The following ABCA13 variants were observed in gnomAD, a reference collection of about 807,000 sequenced individuals.
ABCA13 encodes ATP binding cassette subfamily A member 13.
In ABCA13, 476 loss-of-function variants were observed where a neutral mutation model predicts 478.7. That is an observed-to-expected ratio of 0.99 (90% confidence interval 0.92 to 1.07). The LOEUF (loss-of-function observed/expected upper bound fraction) is 1.07, where lower values mean the gene tolerates loss of function less well. Among genes scored for constraint, ABCA13 ranks in the 50% least tolerant of loss-of-function variants. The pLI is 0.00. For synonymous variants in ABCA13, 2,252 were observed against 2,158.9 expected, an observed-to-expected ratio of 1.04 and a Z score of -1.20; for missense variants, 6,060 against 5,910.6, an observed-to-expected ratio of 1.03 and a Z score of -0.83.
chr7:48,540,711 A>G (rs543417467), intron 55 of ABCA13, among the ~76,000 whole-genome samples: 1 of 152,218 alleles, frequency 6.6e-6, no homozygotes, highest in African/African-American at 2.4e-5. Context: ...TTTCCTGTTT[A>G]ATTTACTAAT....
chr7:48,591,909 A>C (rs894841611), intron 57 of ABCA13, among the ~76,000 whole-genome samples: 1 of 151,828 alleles, frequency 6.6e-6, no homozygotes, highest in Non-Finnish European at 1.5e-5. Flanking sequence ...CATGCTTTTG[A>C]AAAGATGATT....
chr7:48,205,930 A>G (rs1000335480), intron 3 of ABCA13, among the ~76,000 whole-genome samples: 3 of 152,214 alleles, frequency 2.0e-5, no homozygotes, highest in African/African-American at 7.2e-5. Flanking sequence ...TGAATTTGAC[A>G]TGTCTATGCA....
chr7:48,470,875 C>T (rs564449184), intron 44 of ABCA13, among the ~76,000 whole-genome samples: 6 of 152,218 alleles, frequency 3.9e-5, no homozygotes, highest in East Asian at 1.9e-4. Context: ...TAGTTTTCTT[C>T]CTCCTTTTCC....
At chr7:48,323,448 C>T (rs1463372810) in intron 27 of ABCA13, among the ~76,000 whole-genome samples, 1 of 152,186 alleles carries the variant, frequency 6.6e-6, no homozygotes, top group Non-Finnish European at 1.5e-5. Flanking sequence ...AGAGCCAGGC[C>T]TTAGCTTTGC....
Position 48,528,340 on chromosome 7 carries a change from C to T in ABCA13, c.14349C>T (p.Pro4783=). Residue 4783 remains proline (P), a synonymous_variant, in exon 55 of 62, where the codon CCC becomes CCT. Transcript: ENST00000435803. ...LTSGHAIIRT[P]MGDAVDLSSA... is the part of the protein sequence containing the mutation. ...CAGGACATGCTATCATCAGGACTCC[C>T]ATGGGGTAAGATACAGATTTCATCA... 6.4e-7 allele frequency: 1 copy of T among 1,554,650 alleles called. No individual in the cohort carries two copies. Among genetic ancestry groups the T allele is most frequent in the Non-Finnish European group, 8.7e-7 (1 of 1,148,138 alleles).
intron 29 of ABCA13, among the ~76,000 whole-genome samples, chr7:48,341,871 A>C (rs1584930394): frequency 7.2e-6 from 1 of 139,788 alleles, no homozygotes. Flanking sequence ...ATATATATAT[A>C]TCTTTCTGAT....
intron 59 of ABCA13, among the ~76,000 whole-genome samples, chr7:48,637,516 T>C (rs1041815062): frequency 2.0e-5 from 3 of 149,054 alleles, no homozygotes; most frequent in African/African-American, 7.5e-5. Flanking sequence ...GAAAAAAAAA[T>C]CTTTTGTTTA....
chr7:48,621,945 G>A (rs915876015), intron 59 of ABCA13, among the ~76,000 whole-genome samples: 1 of 152,074 alleles, frequency 6.6e-6, no homozygotes, highest in African/African-American at 2.4e-5. Context: ...GTTCAAAATT[G>A]GTAATTGATT....
intron 31 of ABCA13, among the ~76,000 whole-genome samples, chr7:48,359,587 A>T (rs1487096525): frequency 6.6e-6 from 1 of 151,866 alleles, no homozygotes; most frequent in Non-Finnish European, 1.5e-5. Flanking sequence ...CCCATGGTTG[A>T]TGTGGACTGG....
Position 48,489,334 on chromosome 7 carries a change from G to C in ABCA13, c.13281G>C (p.Trp4427Cys), listed in dbSNP as rs767871966. 1 of 1,599,374 alleles carries C rather than the reference G, an allele frequency of 6.3e-7. No homozygotes were observed. Among genetic ancestry groups the C allele is most frequent in the Non-Finnish European group, 8.6e-7 (1 of 1,168,280 alleles). Residue 4427 changes from tryptophan to cysteine, a missense_variant, in exon 48 of 62, where the codon TGG becomes TGC. By Grantham distance (215) the Trp-to-Cys change is radical. Coordinates refer to ENST00000435803, the MANE Select transcript of ABCA13 (RefSeq NM_152701.5). ...LWQHLPPTVDWRQYGITLYSH... is the reference protein window; with the variant it reads ...LWQHLPPTVDCRQYGITLYSH... ...AGCACCTACCCCCTACTGTGGACTGGAGACAATACGGTAATGTTATTTTTC... is the reference window on the plus strand; with the variant it reads ...AGCACCTACCCCCTACTGTGGACTGCAGACAATACGGTAATGTTATTTTTC...
At chr7:48,191,645 TG>T (rs1797121784) in intron 1 of ABCA13, among the ~76,000 whole-genome samples, 1 of 152,196 alleles carries the variant, frequency 6.6e-6, no homozygotes, top group Non-Finnish European at 1.5e-5. Context: ...TGACCTCAAG[TG>T]ATCCGTCTGC....
intron 48 of ABCA13, among the ~76,000 whole-genome samples, chr7:48,499,358 T>C (rs565079937): frequency 1.3e-5 from 2 of 152,200 alleles, no homozygotes; most frequent in Non-Finnish European, 2.9e-5. Context: ...ATAAGACAAG[T>C]TTTTCCTTTT....
rs537394207 is a variant in ABCA13 at position 48,636,335 on chromosome 7, CTA to C, written c.14838-6951_14838-6950del. Reference sequence around the variant, plus strand: ...AGAAGCAGATCCCAGTTAGTACTTTCTATGTTATAGCTCCTCTAGTTTGTAAT... The same window carrying C: ...AGAAGCAGATCCCAGTTAGTACTTTCTGTTATAGCTCCTCTAGTTTGTAAT... On this transcript the variant is annotated intron_variant, in intron 59 of 61. Coordinates refer to ENST00000435803, the MANE Select transcript of ABCA13 (RefSeq NM_152701.5). 1.6e-3 allele frequency among the ~76,000 whole-genome samples: 250 copies of C among 152,288 alleles called. 2 individuals carry two copies. The highest frequency in any genetic ancestry group is 5.9e-3 in the African/African-American group (246 of 41,564).
chr7:48,209,527 C>T (rs1785352244), intron 3 of ABCA13, among the ~76,000 whole-genome samples: 1 of 152,082 alleles, frequency 6.6e-6, no homozygotes, highest in Non-Finnish European at 1.5e-5. Flanking sequence ...ATGTTTATTA[C>T]TGTTATCTTA....
chr7:48,261,118 T>C (rs777580098), intron 15 of ABCA13, among the ~76,000 whole-genome samples: 2 of 151,972 alleles, frequency 1.3e-5, no homozygotes, highest in Non-Finnish European at 2.9e-5. Context: ...ATTGACTCTC[T>C]CTGTCTGAAA....
chr7:48,309,971 G>A lies in ABCA13; in HGVS notation c.9346G>A (p.Ala3116Thr). The A allele has an allele frequency of 1.2e-6, 2 of 1,613,882 alleles. No individual in the cohort carries two copies. The highest frequency in any genetic ancestry group is 1.7e-6 in the Non-Finnish European group (2 of 1,179,788). ...GGTTCTCTTCAGTGCCCTCACCGTA[G>A]CTCTGTCTGGAAAGTGTGATCAGGA... is the stretch of plus-strand genomic sequence containing the variant. ...SKVLFSALTV[A>T]LSGKCDQEIL... Residue 3116 changes from alanine (A) to threonine (T), a missense_variant, in exon 24 of 62, where the codon GCT (alanine) becomes ACT (threonine). Ala to Thr is a moderately conservative substitution (Grantham distance 58). Coordinates refer to ENST00000435803, the MANE Select transcript of ABCA13 (RefSeq NM_152701.5).
chr7:48,600,455 T>G (rs1182277256), intron 58 of ABCA13, among the ~76,000 whole-genome samples: 1 of 152,160 alleles, frequency 6.6e-6, no homozygotes, highest in East Asian at 1.9e-4. Context: ...TTGACTGTTT[T>G]GCTATTTTTT....
At chr7:48,223,720 G>T (rs930419761) in intron 5 of ABCA13, among the ~76,000 whole-genome samples, 1 of 152,110 alleles carries the variant, frequency 6.6e-6, no homozygotes, top group Admixed American at 6.5e-5. Flanking sequence ...ACTTTGGGAG[G>T]CTGAGGCGGT....
intron 55 of ABCA13, among the ~76,000 whole-genome samples, chr7:48,569,869 A>G (rs1461964948): frequency 6.6e-6 from 1 of 152,120 alleles, no homozygotes; most frequent in Non-Finnish European, 1.5e-5. Flanking sequence ...ATAGCCAAAC[A>G]CTTGTTCTAT....
Sources: gnomAD v4.1 joint callset for allele counts (sites outside exome capture counted in the v4.1 genomes callset) on GRCh38, gnomAD v4.1.1 for gene constraint, MANE v1.5 for transcripts, NCBI Gene and HGNC (gene_info 2026-07-23, HGNC 2026-07-21) for gene names.